GSE1: variants seen among roughly 807,000 people sequenced by gnomAD.
The protein encoded by GSE1 is Gse1 coiled-coil protein, also known as genetic suppressor element 1.
In GSE1, 32 loss-of-function variants were observed where a neutral mutation model predicts 112.6. The ratio of observed to expected loss-of-function variants is 0.28; its 90% CI spans 0.21 to 0.38. The LOEUF (loss-of-function observed/expected upper bound fraction) is 0.38, where lower values mean the gene tolerates loss of function less well. Among genes scored for constraint, GSE1 ranks in the 10% least tolerant of loss-of-function variants. The pLI, the probability that GSE1 is intolerant of heterozygous loss-of-function variation, is 1.00. For missense variants in GSE1, 2,348 were observed against 1,699.2 expected (o/e 1.38, Z -6.71); for synonymous variants, 1,115 against 735.6 (o/e 1.52, Z -8.35).
At chr16:85,648,785 C>T in intron 3 of GSE1, 34 bp downstream of exon 3, 1 of 1,319,460 alleles carries the variant, frequency 7.6e-7, no homozygotes, top group Non-Finnish European at 1.0e-6. Context: ...CTAGCGTCCT[C>T]TAAGTGGGGA....
chr16:85,590,771 G>GC (rs1173874254), intron 1 of GSE1, among the ~76,000 whole-genome samples: 1 of 152,168 alleles, frequency 6.6e-6, no homozygotes, highest in Non-Finnish European at 1.5e-5. Context: ...TTGGGCTCCC[G>GC]CCCGGCCACG....
chr16:85,641,771 G>T (rs562108983), intron 2 of GSE1, among the ~76,000 whole-genome samples: 1 of 152,390 alleles, frequency 6.6e-6, no homozygotes, highest in African/African-American at 2.4e-5. Context: ...CAGATTTCAA[G>T]GAAAGTGGCT....
At chr16:85,521,105 C>T (rs568982789) in intron 2 of GSE1, among the ~76,000 whole-genome samples, 1 of 152,282 alleles carries the variant, frequency 6.6e-6, no homozygotes, top group East Asian at 1.9e-4. Context: ...GACACCCTGA[C>T]CTCCGGGCTG....
At chr16:85,483,889 C>T (rs1321199081) in intron 2 of GSE1, among the ~76,000 whole-genome samples, 1 of 152,212 alleles carries the variant, frequency 6.6e-6, no homozygotes, top group Admixed American at 6.5e-5. Flanking sequence ...GGCCTCTGGG[C>T]CCTGCCCGTC....
intron 2 of GSE1, among the ~76,000 whole-genome samples, chr16:85,527,235 C>T (rs944421748): frequency 6.6e-6 from 1 of 152,236 alleles, no homozygotes; most frequent in African/African-American, 2.4e-5. Flanking sequence ...CGTGGGCGCG[C>T]AGGGGCTGGC....
intron 2 of GSE1, among the ~76,000 whole-genome samples, chr16:85,462,299 A>G (rs1458960520): frequency 6.6e-6 from 1 of 152,034 alleles, no homozygotes; most frequent in African/African-American, 2.4e-5. Context: ...GTCGTCTGGT[A>G]GGGAGGTGTC....
chr16:85,615,937 A>G (rs907655278), intron 1 of GSE1, among the ~76,000 whole-genome samples: 1 of 152,164 alleles, frequency 6.6e-6, no homozygotes, highest in Non-Finnish European at 1.5e-5. Context: ...TGGGGCGGAC[A>G]CCGCGCTCAC....
chr16:85,176,062 C>A (rs776450065), intron 1 of GSE1, among the ~76,000 whole-genome samples: 1 of 152,296 alleles, frequency 6.6e-6, no homozygotes, highest in South Asian at 2.1e-4. Flanking sequence ...AATGTGCACT[C>A]ACTGCAGCCT....
chr16:85,578,929 C>G lies in GSE1; in HGVS notation c.37+22566C>G, dbSNP rs557663066. On this transcript the variant is annotated intron_variant, in intron 1 of 2. Coordinates refer to the GSE1 transcript ENST00000635906. ...CCTCAACTGGACTGTAAGCTCCCCC[C>G]AGCACAGCGATCTGGTTTGTCTTGT... 7.2e-5 allele frequency among the ~76,000 whole-genome samples: 11 copies of G among 152,172 alleles called. No individual in the cohort carries two copies. The South Asian group carries it at 2.3e-3, about 32-fold the overall frequency.
At chr16:85,567,936 C>T (rs1442879381) in intron 1 of GSE1, among the ~76,000 whole-genome samples, 1 of 152,182 alleles carries the variant, frequency 6.6e-6, no homozygotes, top group South Asian at 2.1e-4. Flanking sequence ...GTTGCCCAGG[C>T]TGATCTCGCA....
chr16:85,672,611 A>G lies in GSE1; in HGVS notation c.*72A>G. The G allele has an allele frequency of 9.4e-7, 1 of 1,064,444 alleles. No homozygotes were observed. Among genetic ancestry groups the G allele is most frequent in the Non-Finnish European group, 1.3e-6 (1 of 768,232 alleles). The allele number at this position is 1,064,444 out of a possible 1,614,324, so 65.9% of individuals were successfully genotyped here. On this transcript the variant is annotated 3_prime_UTR_variant, in exon 16 of 16. Coordinates refer to ENST00000253458, the MANE Select transcript of GSE1 (RefSeq NM_014615.5). Reference sequence around the variant, plus strand: ...TATTTTATTACCTTGAATATTTAATATTTTTCACTGGGAGGTTTGAAGCTT... The same window carrying G: ...TATTTTATTACCTTGAATATTTAATGTTTTTCACTGGGAGGTTTGAAGCTT...
intron 1 of GSE1, among the ~76,000 whole-genome samples, chr16:85,291,715 G>T (rs1271613565): frequency 6.6e-6 from 1 of 152,214 alleles, no homozygotes; most frequent in Non-Finnish European, 1.5e-5. Flanking sequence ...CTCACCCTGT[G>T]GGGGTTAGGG....
At position 85,243,392 on chromosome 16, in the gene GSE1, A is replaced by G. The variant is rs982257502; in HGVS notation, c.2283+71585A>G. Among the ~76,000 whole-genome samples the G allele has an allele frequency of 6.6e-5, 10 of 152,254 alleles. 1 individual carries two copies. Among genetic ancestry groups the G allele is most frequent in the Admixed American group, 6.5e-4 (10 of 15,288 alleles). On this transcript the variant is annotated intron_variant, in intron 1 of 2. Transcript: ENST00000637419. The stretch of plus-strand genomic sequence containing the variant: ...GGACACGGGCAGTGGGGCTTACCCC[A>G]AACGGGGACACACACTCCTTTGCTC...
intron 2 of GSE1, among the ~76,000 whole-genome samples, chr16:85,524,345 G>C (rs1021903057): frequency 2.4e-4 from 36 of 152,088 alleles, no homozygotes; most frequent in African/African-American, 8.7e-4. Flanking sequence ...CTTCAGGAAA[G>C]GAACTCTGCC....
chr16:85,169,990 G>C, exon 1 of GSE1: 5 of 984,514 alleles, frequency 5.1e-6, no homozygotes, highest in Non-Finnish European at 6.0e-6. Flanking sequence ...CGAGGACGAC[G>C]GTGGCGGCCC....
chr16:85,487,958 G>A (rs1228907276), intron 2 of GSE1, among the ~76,000 whole-genome samples: 3 of 152,332 alleles, frequency 2.0e-5, no homozygotes, highest in South Asian at 2.1e-4. Context: ...ATACCCCAGT[G>A]CCACTAGTCA....
chr16:85,578,706 C>T (rs2046330493), intron 1 of GSE1, among the ~76,000 whole-genome samples: 2 of 151,490 alleles, frequency 1.3e-5, no homozygotes, highest in South Asian at 4.1e-4. Flanking sequence ...GAGTAAAAGC[C>T]AGCATTCTCT....
chr16:85,557,201 C>T (rs571840421), intron 1 of GSE1, among the ~76,000 whole-genome samples: 2 of 152,326 alleles, frequency 1.3e-5, no homozygotes, highest in South Asian at 4.1e-4. Context: ...TTCCCCACCG[C>T]GCGCCGTCAC....
chr16:85,343,938 G>T (rs980968103), intron 1 of GSE1, among the ~76,000 whole-genome samples: 2 of 152,112 alleles, frequency 1.3e-5, no homozygotes, highest in Non-Finnish European at 2.9e-5. Flanking sequence ...TTCCTCAAAT[G>T]CAACCGGGCA....
Sources: gnomAD v4.1 joint callset for allele counts (sites outside exome capture counted in the v4.1 genomes callset) on GRCh38, gnomAD v4.1.1 for gene constraint, MANE v1.5 for transcripts, NCBI Gene and HGNC (gene_info 2026-07-23, HGNC 2026-07-21) for gene names.